KIAA0319L: variants seen among roughly 807,000 people sequenced by gnomAD.
KIAA0319L encodes KIAA0319 like.
Under a neutral mutation model 120.1 loss-of-function variants are expected in KIAA0319L, and 55 were observed. That is an observed-to-expected ratio of 0.46 (90% CI 0.37 to 0.57). The LOEUF is 0.57. Among genes scored for constraint, KIAA0319L ranks in the 20% least tolerant of loss-of-function variants. The pLI, the probability that KIAA0319L is intolerant of heterozygous loss-of-function variation, is 0.00. For missense variants in KIAA0319L, 1,049 were observed against 1,255.3 expected, an observed-to-expected ratio of 0.84 and a Z score of 2.48; for synonymous variants, 398 against 471.9, an observed-to-expected ratio of 0.84 and a Z score of 2.03.
chr1:35,474,377 T>G (rs1643822859), intron 5 of KIAA0319L, among the ~76,000 whole-genome samples: 1 of 152,080 alleles, frequency 6.6e-6, no homozygotes, highest in Non-Finnish European at 1.5e-5. Context: ...AAGGGCAAAA[T>G]GAGATAGTAG....
At chr1:35,526,484 T>C (rs1428784786) in intron 2 of KIAA0319L, among the ~76,000 whole-genome samples, 1 of 149,490 alleles carries the variant, frequency 6.7e-6, no homozygotes, top group Non-Finnish European at 1.5e-5. Context: ...CTCGCTTTGT[T>C]GCCCAGGCTG....
At chr1:35,512,379 A>G (rs2789625) in intron 2 of KIAA0319L, among the ~76,000 whole-genome samples, 1,912 of 150,736 alleles carry the variant, frequency 0.013, 47 homozygotes, top group African/African-American at 0.039. Flanking sequence ...AAATCTGGGG[A>G]AAAAAAAGAG....
chr1:35,522,705 T>C (rs1233203405), intron 2 of KIAA0319L, among the ~76,000 whole-genome samples: 1 of 151,956 alleles, frequency 6.6e-6, no homozygotes, highest in East Asian at 1.9e-4. Context: ...AAAACCAAAA[T>C]CTTTAACATA....
chr1:35,539,235 G>C (rs1353984872), intron 2 of KIAA0319L, among the ~76,000 whole-genome samples: 1 of 152,174 alleles, frequency 6.6e-6, no homozygotes, highest in Admixed American at 6.5e-5. Context: ...AGGCGAAACA[G>C]CTCAATCAAA....
At chr1:35,497,598 T>G (rs1161604249) in intron 3 of KIAA0319L, among the ~76,000 whole-genome samples, 1 of 152,168 alleles carries the variant, frequency 6.6e-6, no homozygotes, top group Non-Finnish European at 1.5e-5. Flanking sequence ...ACTTTAAACA[T>G]GTACAGTTTA....
chr1:35,542,946 C>T (rs58922569), intron 2 of KIAA0319L, among the ~76,000 whole-genome samples: 1 of 152,152 alleles, frequency 6.6e-6, no homozygotes, highest in South Asian at 2.1e-4. Context: ...TGCTAATTTT[C>T]TCATCCCTCT....
intron 3 of KIAA0319L, among the ~76,000 whole-genome samples, chr1:35,483,454 C>T (rs1034608011): frequency 6.6e-6 from 1 of 152,148 alleles, no homozygotes; most frequent in African/African-American, 2.4e-5. Flanking sequence ...TTTTACATAT[C>T]ATTATCTAAT....
chr1:35,488,153 C>A (rs1644458350), intron 3 of KIAA0319L, among the ~76,000 whole-genome samples: 1 of 152,138 alleles, frequency 6.6e-6, no homozygotes, highest in South Asian at 2.1e-4. Flanking sequence ...CTCCCAGTTG[C>A]CATTTTTCAA....
In KIAA0319L at chr1:35,453,687, T is replaced by C; in HGVS notation, c.1783A>G (p.Asn595Asp). Residue 595 changes from asparagine (N) to aspartate (D), a missense_variant and splice_region_variant, in exon 12 of 21, where the codon AAC becomes GAC. By Grantham distance (23) the Asn-to-Asp change is conservative. Coordinates refer to ENST00000325722, the MANE Select transcript of KIAA0319L (RefSeq NM_024874.5). This position sits in a 1 kb window ranked among gnomAD's most constrained non-coding sequence, Gnocchi z 4.1. The part of the protein sequence containing the change: ...AQVTVIVQPE[N>D]NKPPQADAGP... ...GCATCTGCCTGAGGAGGCTTATTGT[T>C]TTCTGGAAGACAAAGAGTTAGAGGT... The C allele has an allele frequency of 6.2e-7, 1 of 1,612,650 alleles. No homozygotes were observed. The highest frequency in any genetic ancestry group is 8.5e-7 in the Non-Finnish European group (1 of 1,179,254).
At chr1:35,470,987 T>C (rs753015349) in intron 5 of KIAA0319L, 27 bp from the exon 6 acceptor site, 72 of 1,300,002 alleles carry the variant, frequency 5.5e-5, no homozygotes, top group Admixed American at 8.4e-5. Context: ...ACAAAAATCA[T>C]GAAAACACAC....
chr1:35,521,294 G>A (rs1387378551), intron 2 of KIAA0319L, among the ~76,000 whole-genome samples: 1 of 151,990 alleles, frequency 6.6e-6, no homozygotes, highest in African/African-American at 2.4e-5. Flanking sequence ...AGCCGAGATT[G>A]CACCACTAAC....
chr1:35,464,204 A>G (rs1643096885), intron 7 of KIAA0319L, among the ~76,000 whole-genome samples: 2 of 152,162 alleles, frequency 1.3e-5, no homozygotes, highest in South Asian at 4.1e-4. Flanking sequence ...AGCAGTTTGG[A>G]GGGCTCAGAA....
chr1:35,460,898 T>C (rs1642844095), intron 8 of KIAA0319L, among the ~76,000 whole-genome samples: 2 of 152,236 alleles, frequency 1.3e-5, no homozygotes, highest in South Asian at 4.1e-4. Context: ...ACCTCTATAA[T>C]GAGTACTTTG....
At chr1:35,526,413 A>C (rs1646147137) in intron 2 of KIAA0319L, among the ~76,000 whole-genome samples, 1 of 143,466 alleles carries the variant, frequency 7.0e-6, no homozygotes, top group Admixed American at 7.0e-5. Context: ...ATATATATAC[A>C]CACATACATA....
intron 3 of KIAA0319L, among the ~76,000 whole-genome samples, chr1:35,495,678 G>T (rs1298070944): frequency 6.6e-6 from 1 of 151,518 alleles, no homozygotes; most frequent in Non-Finnish European, 1.5e-5. Flanking sequence ...TCTAAGATAG[G>T]GTCTCACTCT....
intron 6 of KIAA0319L, among the ~76,000 whole-genome samples, chr1:35,467,630 A>G (rs1366668844): frequency 3.9e-5 from 6 of 151,942 alleles, no homozygotes; most frequent in Non-Finnish European, 1.5e-5. Flanking sequence ...CAAACTTTCT[A>G]TTGTTCTTTC....
At chr1:35,511,931 T>TA (rs1469790187) in intron 2 of KIAA0319L, among the ~76,000 whole-genome samples, 1 of 152,176 alleles carries the variant, frequency 6.6e-6, no homozygotes, top group Non-Finnish European at 1.5e-5. Flanking sequence ...TTTATATTTT[T>TA]AACAATGAAG....
chr1:35,510,593 T>C (rs1570894024), intron 2 of KIAA0319L: 1 of 109,374 alleles, frequency 9.1e-6, no homozygotes, highest in East Asian at 8.7e-4. Flanking sequence ...AACATTTATT[T>C]ATTTATTTAT....
Position 35,434,482 on chromosome 1 carries a change from A to G in KIAA0319L, c.*412T>C, listed in dbSNP as rs1640638593. 6.1e-6 allele frequency: 1 copy of G among 163,128 alleles called. No homozygotes were observed. The highest frequency in any genetic ancestry group is 1.3e-5 in the Non-Finnish European group (1 of 76,078). 10.1% of individuals were successfully genotyped at this position (163,128 alleles called of 1,614,324 possible). On this transcript the variant is annotated 3_prime_UTR_variant, in exon 21 of 21. Coordinates refer to ENST00000325722, the MANE Select transcript of KIAA0319L (RefSeq NM_024874.5). ...AGGGCGTACTCTACCCCAGAGAGGG[A>G]AACACCATGCCCACAGTGCTTGGTT...
Sources: allele counts gnomAD v4.1 joint callset (sites outside exome capture counted in the v4.1 genomes callset), GRCh38; gene constraint gnomAD v4.1.1; non-coding constraint Gnocchi (gnomAD v3.1); transcripts MANE v1.5; gene names NCBI Gene and HGNC (gene_info 2026-07-23, HGNC 2026-07-21).